The following POU2F1 variants were observed in gnomAD, a reference collection of about 807,000 sequenced individuals.
POU2F1 encodes POU domain, class 2, transcription factor 1.
A neutral mutation model predicts 84.9 loss-of-function variants in POU2F1; 16 were observed. The ratio of observed to expected loss-of-function variants is 0.19; its 90% CI spans 0.13 to 0.29. POU2F1 has a LOEUF of 0.29. Among genes scored for constraint, POU2F1 ranks in the 10% least tolerant of loss-of-function variants. The pLI is 1.00. For missense variants in POU2F1, 738 were observed against 942.6 expected (o/e 0.78, Z 2.84); for synonymous variants, 368 against 368.3 (o/e 1.00, Z 0.01).
At chr1:167,257,792 A>G (rs1290413287) in intron 1 of POU2F1, 1 of 143,306 alleles carries the variant, frequency 7.0e-6, no homozygotes, top group Non-Finnish European at 1.5e-5. Flanking sequence ...TTTTTTTTTT[A>G]AAGGCAAGGT....
chr1:167,295,738 C>T (rs1228425840), intron 1 of POU2F1, among the ~76,000 whole-genome samples: 1 of 152,164 alleles, frequency 6.6e-6, no homozygotes, highest in East Asian at 1.9e-4. Flanking sequence ...TCTTAATGTT[C>T]TACTAAGTTG....
intron 1 of POU2F1, among the ~76,000 whole-genome samples, chr1:167,276,125 A>AT: frequency 6.6e-6 from 1 of 152,306 alleles, no homozygotes; most frequent in Non-Finnish European, 1.5e-5. Flanking sequence ...GACATAATTT[A>AT]TAAGTTTTAA....
intron 2 of POU2F1, among the ~76,000 whole-genome samples, chr1:167,348,965 T>C (rs1185013324): frequency 1.3e-5 from 2 of 152,176 alleles, no homozygotes; most frequent in East Asian, 3.8e-4. Flanking sequence ...TTTTTTTTAA[T>C]AGTGCTTGTC....
rs138444417 is a variant in POU2F1 at position 167,295,445 on chromosome 1, A to G, written c.62-37025A>G. Among the ~76,000 whole-genome samples, 949 of 152,320 alleles carry G rather than the reference A, an allele frequency of 6.2e-3. 12 individuals carry two copies. Among genetic ancestry groups the G allele is most frequent in the African/African-American group, 0.022 (896 of 41,570 alleles). ...ACTCAGGAATGGAAAACCAAATACT[A>G]TATGTTCTCACTTATAAGTGGGAAC... On this transcript the variant is annotated intron_variant, in intron 1 of 15. Transcript: ENST00000367866.
rs548477707 is a variant in POU2F1, at chr1:167,281,169, A to G, written c.62-51301A>G. ...AGACCGGTCTTAACTTAAAATGTAC[A>G]TAATGTATTTGGGTATTGACGAAAG... is the stretch of plus-strand genomic sequence containing the variant. On this transcript the variant is annotated intron_variant, in intron 1 of 15. Coordinates refer to ENST00000367866, the MANE Select transcript of POU2F1 (RefSeq NM_002697.4). Among the ~76,000 whole-genome samples the G allele has an allele frequency of 5.3e-5, 8 of 152,364 alleles. No homozygotes were observed. The South Asian group carries it at 1.4e-3, about 28-fold the overall frequency.
intron 1 of POU2F1, among the ~76,000 whole-genome samples, chr1:167,273,740 T>G (rs1174967658): frequency 2.6e-5 from 4 of 152,240 alleles, no homozygotes; most frequent in African/African-American, 9.6e-5. Context: ...GGCTTCTGTA[T>G]GAAAAGCTAG....
At chr1:167,364,667 T>A (rs562697150) in intron 2 of POU2F1, among the ~76,000 whole-genome samples, 1 of 146,284 alleles carries the variant, frequency 6.8e-6, no homozygotes, top group East Asian at 2.2e-4. Context: ...AACCTCCACC[T>A]CCTGGGCTCA....
At chr1:167,227,765 AAAAC>A (rs1648745883) in intron 1 of POU2F1, among the ~76,000 whole-genome samples, 1 of 152,222 alleles carries the variant, frequency 6.6e-6, no homozygotes, top group African/African-American at 2.4e-5. Flanking sequence ...GAAAAATTGA[AAAAC>A]AGTGTATATA....
rs1479161724 is a variant in POU2F1, at chr1:167,415,972, C to T, written c.*162C>T. The stretch of plus-strand genomic sequence containing the variant: ...AAAAAAAAAACCACACACACCCATA[C>T]ACACATACCAGAAAAAGAAAGAAAG... On this transcript the variant is annotated 3_prime_UTR_variant, in exon 16 of 16. Coordinates refer to ENST00000367866, the MANE Select transcript of POU2F1 (RefSeq NM_002697.4). 2.7e-6 allele frequency: 2 copies of T among 730,158 alleles called. No individual in the cohort carries two copies. The highest frequency in any genetic ancestry group is 2.3e-6 in the Non-Finnish European group (1 of 443,576). 45.2% of individuals were successfully genotyped at this position (730,158 alleles called of 1,614,324 possible). A position where few individuals can be genotyped will look rare whatever the true frequency, so the allele number is the denominator to read the frequency against.
At chr1:167,296,667 G>T (rs2102551757) in intron 1 of POU2F1, among the ~76,000 whole-genome samples, 1 of 152,210 alleles carries the variant, frequency 6.6e-6, no homozygotes, top group South Asian at 2.1e-4. Flanking sequence ...CCATTAAAAA[G>T]ATTGAAACAA....
At position 167,422,863 on chromosome 1, in the gene POU2F1, C is replaced by T. The variant is rs1199621418; in HGVS notation, c.*7053C>T. On this transcript the variant is annotated 3_prime_UTR_variant, in exon 16 of 16. Transcript: ENST00000367866. ...TACTTTATCTCTTTCCTTCCCTTTT[C>T]CCCTTTTCCCAGTCCCCTGCTTTTT... 1 of 152,190 alleles carries T rather than the reference C, an allele frequency of 6.6e-6. No individual in the cohort carries two copies. Among genetic ancestry groups the T allele is most frequent in the Non-Finnish European group, 1.5e-5 (1 of 68,042 alleles). 9.4% of individuals were successfully genotyped at this position (152,190 alleles called of 1,614,324 possible). A position where few individuals can be genotyped will look rare whatever the true frequency, so the allele number is the denominator to read the frequency against.
chr1:167,263,499 A>G (rs909626605), intron 1 of POU2F1, among the ~76,000 whole-genome samples: 3 of 151,974 alleles, frequency 2.0e-5, no homozygotes, highest in African/African-American at 7.3e-5. Flanking sequence ...CCTGGGCAAC[A>G]AGAGCGAAAC....
intron 1 of POU2F1, among the ~76,000 whole-genome samples, chr1:167,278,798 TTTCTATTTTAATAGAATTTAATAAAA>T (rs896363164): frequency 2.5e-4 from 11 of 44,120 alleles, no homozygotes; most frequent in East Asian, 1.0e-3. Flanking sequence ...TTCATTTGTT[TTTCTATTTTAATAGAATTTAATAAAA>T]TTCTATTTTA....
At chr1:167,262,119 G>A (rs1651612001) in intron 1 of POU2F1, among the ~76,000 whole-genome samples, 1 of 152,184 alleles carries the variant, frequency 6.6e-6, no homozygotes, top group Non-Finnish European at 1.5e-5. Context: ...CATCTCTACA[G>A]TCTTAGCACA....
intron 1 of POU2F1, among the ~76,000 whole-genome samples, chr1:167,293,470 G>A (rs1654063278): frequency 6.6e-6 from 1 of 152,146 alleles, no homozygotes; most frequent in African/African-American, 2.4e-5. Flanking sequence ...GCTGAAAGAA[G>A]TCATAGATAA....
chr1:167,246,560 A>G (rs1013521207), intron 1 of POU2F1, among the ~76,000 whole-genome samples: 3 of 152,238 alleles, frequency 2.0e-5, no homozygotes, highest in Admixed American at 6.5e-5. Flanking sequence ...TCTAAGAAGT[A>G]TAAATTAACA....
intron 1 of POU2F1, among the ~76,000 whole-genome samples, chr1:167,277,219 T>C (rs368243801): frequency 1.6e-3 from 249 of 152,220 alleles, no homozygotes; most frequent in African/African-American, 5.8e-3. Context: ...TTGTCTACTT[T>C]GGGTTTTTTG....
At chr1:167,406,937 C>T (rs1480923693) in intron 13 of POU2F1, among the ~76,000 whole-genome samples, 1 of 151,902 alleles carries the variant, frequency 6.6e-6, no homozygotes, top group East Asian at 1.9e-4. Flanking sequence ...CAGTTTTTCT[C>T]CAGCTTGAGA....
intron 1 of POU2F1, among the ~76,000 whole-genome samples, chr1:167,255,509 C>G (rs1651065134): frequency 6.6e-6 from 1 of 152,028 alleles, no homozygotes; most frequent in South Asian, 2.1e-4. Flanking sequence ...GTGCTGAAAA[C>G]AAGCATACAT....
Sources: gnomAD v4.1 joint callset for allele counts (sites outside exome capture counted in the v4.1 genomes callset) on GRCh38, gnomAD v4.1.1 for gene constraint, MANE v1.5 for transcripts, NCBI Gene and HGNC (gene_info 2026-07-23, HGNC 2026-07-21) for gene names.